Variants in UBASH3B observed in about 807,000 individuals in gnomAD.
UBASH3B encodes ubiquitin-associated and SH3 domain-containing protein B.
Under a neutral mutation model 83.4 loss-of-function variants are expected in UBASH3B, and 37 were observed. That is an observed-to-expected ratio of 0.44 (90% CI 0.34 to 0.58). UBASH3B has a LOEUF of 0.58. UBASH3B is among the 20% of genes least tolerant of loss of function. The probability of loss-of-function intolerance (pLI) is 0.01; values close to 1 mark genes in which losing one functional copy is unlikely to be tolerated. For synonymous variants in UBASH3B, 304 were observed against 318.3 expected (o/e 0.96, Z 0.48); for missense variants, 657 against 827.2 (o/e 0.79, Z 2.52).
chr11:122,741,792 C>T (rs1256844151), intron 1 of UBASH3B, among the ~76,000 whole-genome samples: 1 of 152,162 alleles, frequency 6.6e-6, no homozygotes, highest in Non-Finnish European at 1.5e-5. Flanking sequence ...GAGTCAGCAA[C>T]CCTCCTTTGC....
chr11:122,683,014 G>A (rs1284805253), intron 1 of UBASH3B, among the ~76,000 whole-genome samples: 1 of 152,092 alleles, frequency 6.6e-6, no homozygotes, highest in Non-Finnish European at 1.5e-5. Context: ...GGGAGGCCAA[G>A]GCAGGAAGAT....
At chr11:122,786,004 A>G (rs949268871) in intron 5 of UBASH3B, among the ~76,000 whole-genome samples, 3 of 152,180 alleles carry the variant, frequency 2.0e-5, no homozygotes, top group Non-Finnish European at 4.4e-5. Context: ...GAGGAAAAAC[A>G]TACCTGAGGT....
At chr11:122,723,997 T>A (rs1431058669) in intron 1 of UBASH3B, among the ~76,000 whole-genome samples, 1 of 152,242 alleles carries the variant, frequency 6.6e-6, no homozygotes. Flanking sequence ...TGGACTTTGG[T>A]GGGTGGTCCC....
At chr11:122,804,501 C>T (rs1347802715) in intron 11 of UBASH3B, among the ~76,000 whole-genome samples, 1 of 152,082 alleles carries the variant, frequency 6.6e-6, no homozygotes, top group Non-Finnish European at 1.5e-5. Context: ...ACAGGCCAGA[C>T]TCCAGACTCA....
intron 1 of UBASH3B, among the ~76,000 whole-genome samples, chr11:122,705,145 G>T (rs1864098422): frequency 6.6e-6 from 1 of 152,124 alleles, no homozygotes; most frequent in Non-Finnish European, 1.5e-5. Context: ...CTTTGAGGTT[G>T]CAGCTAAATC....
rs576604641 is a variant in UBASH3B at position 122,811,018 on chromosome 11, G to A, written c.*1132G>A. Reference sequence around the variant, plus strand: ...TGGCTGCACTGCTACTTGTGCTGTCGTTTTGTTTGTTTTTCTATGATAATT... The same window carrying A: ...TGGCTGCACTGCTACTTGTGCTGTCATTTTGTTTGTTTTTCTATGATAATT... On this transcript the variant is annotated 3_prime_UTR_variant, in exon 14 of 14. Coordinates refer to ENST00000284273, the MANE Select transcript of UBASH3B (RefSeq NM_032873.5). 7 of 152,500 alleles carry A rather than the reference G, an allele frequency of 4.6e-5. No homozygotes were observed. The East Asian group carries it at 5.8e-4, about 13-fold the overall frequency. 9.4% of individuals were successfully genotyped at this position (152,500 alleles called of 1,614,324 possible). A position where few individuals can be genotyped will look rare whatever the true frequency, so the allele number is the denominator to read the frequency against.
chr11:122,717,014 G>C (rs775477860), intron 1 of UBASH3B, among the ~76,000 whole-genome samples: 7 of 152,094 alleles, frequency 4.6e-5, no homozygotes, highest in African/African-American at 1.7e-4. Flanking sequence ...TAGCACAGCC[G>C]AGGCCAAGGT....
chr11:122,726,773 C>T (rs1375615716), intron 1 of UBASH3B, among the ~76,000 whole-genome samples: 1 of 152,142 alleles, frequency 6.6e-6, no homozygotes, highest in Non-Finnish European at 1.5e-5. Flanking sequence ...CTAGCTAGTC[C>T]AGTTATTCCT....
chr11:122,777,433 G>A (rs1860757856), intron 3 of UBASH3B, among the ~76,000 whole-genome samples: 1 of 152,154 alleles, frequency 6.6e-6, no homozygotes. Flanking sequence ...CCAGGATGGG[G>A]GCAGCACCAG....
Position 122,799,022 on chromosome 11 carries a change from A to G in UBASH3B, c.1438A>G (p.Asn480Asp), listed in dbSNP as rs1861203665. 1 of 1,613,846 alleles carries G rather than the reference A, an allele frequency of 6.2e-7. No individual in the cohort carries two copies. Among genetic ancestry groups the G allele is most frequent in the South Asian group, 1.1e-5 (1 of 91,066 alleles). Residue 480 changes from asparagine to aspartate, a missense_variant, in exon 10 of 14, where the codon AAT (asparagine) becomes GAT (aspartate). Around this residue, in one of 3 missense-constraint regions of UBASH3B, gnomAD observed 573 missense variants for 739.0 expected, o/e 0.78. Transcript: ENST00000284273. ...CCTTCGCTGCGTTCAGACTGCACAC[A>G]ATATCTTGAAAGGTAAGACTTGCAG... ...PSLRCVQTAH[N>D]ILKGLQQENH...
chr11:122,669,909 A>G (rs1056468610), intron 1 of UBASH3B, among the ~76,000 whole-genome samples: 1 of 152,232 alleles, frequency 6.6e-6, no homozygotes, highest in Non-Finnish European at 1.5e-5. Flanking sequence ...GTTCTTAGCC[A>G]GCATCCATGG....
chr11:122,701,025 T>C (rs1198723325), intron 1 of UBASH3B, among the ~76,000 whole-genome samples: 1 of 152,202 alleles, frequency 6.6e-6, no homozygotes, highest in Non-Finnish European at 1.5e-5. Context: ...ATTAGTGTTA[T>C]GGGGTATATT....
chr11:122,721,281 C>A (rs1395320528), intron 1 of UBASH3B, among the ~76,000 whole-genome samples: 1 of 147,658 alleles, frequency 6.8e-6, no homozygotes, highest in Non-Finnish European at 1.5e-5. Context: ...ATGAATGACT[C>A]TAGGTCAGTT....
chr11:122,769,579 T>C (rs1860607596), intron 1 of UBASH3B, among the ~76,000 whole-genome samples: 1 of 152,238 alleles, frequency 6.6e-6, no homozygotes, highest in African/African-American at 2.4e-5. Flanking sequence ...AGGCACTCTG[T>C]TGAGCAGCCT....
intron 1 of UBASH3B, among the ~76,000 whole-genome samples, chr11:122,693,354 A>G (rs1459724760): frequency 2.3e-4 from 35 of 152,214 alleles, no homozygotes; most frequent in Admixed American, 2.3e-3. Context: ...AGGCCTGACA[A>G]TAAGTGTGTG....
At chr11:122,798,898 T>C (rs888734363) in intron 9 of UBASH3B, 44 bp from the exon 10 acceptor site, 15 of 1,571,716 alleles carry the variant, frequency 9.5e-6, no homozygotes, top group African/African-American at 1.4e-5. Flanking sequence ...AAGGTGAGAC[T>C]GAGTAAATCC....
intron 7 of UBASH3B, 82 bp downstream of exon 7, chr11:122,794,916 C>T (rs1346823888): frequency 1.9e-6 from 3 of 1,565,290 alleles, no homozygotes; most frequent in Non-Finnish European, 2.6e-6. Context: ...AGGCCTTGCC[C>T]TTGCTGTCTC....
At position 122,685,312 on chromosome 11, in the gene UBASH3B, T is replaced by C. The variant is rs541946726; in HGVS notation, c.161+29102T>C. ...TTGACTGTCTTATTCATTACTCTGA[T>C]TCTCCTGCCTGGAAGAGTGTTTGCC... On this transcript the variant is annotated intron_variant, in intron 1 of 13. Coordinates refer to ENST00000284273, the MANE Select transcript of UBASH3B (RefSeq NM_032873.5). Among the ~76,000 whole-genome samples, 4 of 152,344 alleles carry C rather than the reference T, an allele frequency of 2.6e-5. No individual in the cohort carries two copies. The East Asian group carries it at 7.7e-4, about 29-fold the overall frequency.
chr11:122,742,538 G>A (rs368268506), intron 1 of UBASH3B, among the ~76,000 whole-genome samples: 2 of 152,164 alleles, frequency 1.3e-5, no homozygotes, highest in South Asian at 2.1e-4. Flanking sequence ...CTTGTTTTGC[G>A]GTCCACTCTT....
Sources: gnomAD v4.1 joint callset for allele counts (sites outside exome capture counted in the v4.1 genomes callset) on GRCh38, gnomAD v4.1.1 for gene constraint, gnomAD v4.1.1 regional missense constraint, MANE v1.5 for transcripts, NCBI Gene and HGNC (gene_info 2026-07-23, HGNC 2026-07-21) for gene names.